GPA33: variants seen among roughly 807,000 people sequenced by gnomAD.
GPA33 encodes the protein cell surface A33 antigen.
In GPA33, 27 loss-of-function variants were observed where a neutral mutation model predicts 35.6. The ratio of observed to expected loss-of-function variants is 0.76; its 90% CI spans 0.56 to 1.04. GPA33 has a LOEUF of 1.04. Among genes scored for constraint, GPA33 ranks in the 50% least tolerant of loss-of-function variants. The pLI is 0.00. For missense variants in GPA33, 428 were observed against 411.9 expected (o/e 1.04, Z -0.34); for synonymous variants, 176 against 164.0 (o/e 1.07, Z -0.56).
At chr1:167,084,388 G>T (rs528453930) in intron 1 of GPA33, among the ~76,000 whole-genome samples, 18 of 152,344 alleles carry the variant, frequency 1.2e-4, no homozygotes, top group African/African-American at 4.3e-4. Flanking sequence ...GAATTTGTAG[G>T]TGGGGGATAA....
chr1:167,068,236 T>C (rs556198212), intron 3 of GPA33, among the ~76,000 whole-genome samples: 7 of 152,332 alleles, frequency 4.6e-5, no homozygotes, highest in African/African-American at 1.7e-4. Flanking sequence ...ATATTGGACA[T>C]AGACTAAGTG....
chr1:167,070,934 G>T (rs531078122), intron 2 of GPA33, among the ~76,000 whole-genome samples: 1 of 152,228 alleles, frequency 6.6e-6, no homozygotes, highest in South Asian at 2.1e-4. Context: ...CAAAGGAAGG[G>T]AATGTTTTAT....
At chr1:167,061,844 C>T (rs560776510) in intron 4 of GPA33, among the ~76,000 whole-genome samples, 108 of 152,186 alleles carry the variant, frequency 7.1e-4, no homozygotes, top group African/African-American at 2.4e-3. Context: ...CCTCGTGATC[C>T]GCCTGCCTCA....
At chr1:167,074,228 G>C (rs1293748187) in intron 1 of GPA33, among the ~76,000 whole-genome samples, 2 of 151,640 alleles carry the variant, frequency 1.3e-5, no homozygotes, top group African/African-American at 2.4e-5. Flanking sequence ...CCTTCTCTTC[G>C]AGCCTGGGTG....
intron 2 of GPA33, among the ~76,000 whole-genome samples, chr1:167,069,915 C>T (rs1250466633): frequency 6.6e-6 from 1 of 152,200 alleles, no homozygotes; most frequent in Admixed American, 6.5e-5. Context: ...AGGTGTCTGA[C>T]ATTTGAAGAT....
At chr1:167,082,986 C>T (rs1666981636) in intron 1 of GPA33, among the ~76,000 whole-genome samples, 1 of 152,122 alleles carries the variant, frequency 6.6e-6, no homozygotes, top group South Asian at 2.1e-4. Context: ...AGACAAGCCC[C>T]ACAGAGCAGG....
At chr1:167,073,581 C>A (rs746351358) in intron 1 of GPA33, 42 bp from the exon 2 acceptor site, 2 of 1,567,256 alleles carry the variant, frequency 1.3e-6, no homozygotes, top group East Asian at 2.3e-5. Flanking sequence ...GTAAGCGACA[C>A]GGACAGACAT....
intron 1 of GPA33, among the ~76,000 whole-genome samples, chr1:167,088,437 C>A (rs1335144739): frequency 6.6e-6 from 1 of 152,196 alleles, no homozygotes; most frequent in Non-Finnish European, 1.5e-5. Context: ...ACTGCTCTGG[C>A]CCCTTCTTCC....
intron 1 of GPA33, among the ~76,000 whole-genome samples, chr1:167,077,084 T>G (rs542049129): frequency 6.6e-6 from 1 of 152,108 alleles, no homozygotes; most frequent in African/African-American, 2.4e-5. Context: ...TGCATGCCTG[T>G]AGTCCCAGCT....
intron 3 of GPA33, among the ~76,000 whole-genome samples, chr1:167,068,265 T>A (rs926560678): frequency 6.6e-6 from 1 of 152,210 alleles, no homozygotes; most frequent in Non-Finnish European, 1.5e-5. Flanking sequence ...ATAACAGTTA[T>A]TTTCCAATAA....
In GPA33 at chr1:167,054,885, G is replaced by T. The variant is rs933470838; in HGVS notation, c.827+91C>A. The T allele has an allele frequency of 2.1e-6, 3 of 1,427,134 alleles. 1 individual carries two copies. The South Asian group carries it at 3.7e-5, about 18-fold the overall frequency. The allele number at this position is 1,427,134 out of a possible 1,614,324, so 88.4% of individuals were successfully genotyped here. A position where few individuals can be genotyped will look rare whatever the true frequency, so the allele number is the denominator to read the frequency against. Reference sequence around the variant, plus strand: ...AAATGGGGGTGATATACCCCAAGGGGTGCTGCAAGTAGAAGAGGCTGTGAG... The same window carrying T: ...AAATGGGGGTGATATACCCCAAGGGTTGCTGCAAGTAGAAGAGGCTGTGAG... On this transcript the variant is annotated intron_variant, in intron 6 of 6. Transcript: ENST00000367868.
intron 1 of GPA33, among the ~76,000 whole-genome samples, chr1:167,078,381 G>A (rs985939667): frequency 1.7e-4 from 26 of 152,298 alleles, no homozygotes; most frequent in African/African-American, 6.0e-4. Flanking sequence ...AGAACTCAGT[G>A]TGACCTTTAT....
At chr1:167,062,994 T>C (rs1666495138) in intron 4 of GPA33, among the ~76,000 whole-genome samples, 1 of 152,176 alleles carries the variant, frequency 6.6e-6, no homozygotes, top group Non-Finnish European at 1.5e-5. Flanking sequence ...ACAGAGTGCT[T>C]ATCAGGGCAC....
At chr1:167,054,614 C>A in intron 6 of GPA33, 148 bp from the exon 7 acceptor site, 1 of 1,001,848 alleles carries the variant, frequency 1.0e-6, no homozygotes, top group Non-Finnish European at 1.5e-6. Context: ...AAAGGCTGGG[C>A]TGAGAGTAAA....
At position 167,065,548 on chromosome 1, in the gene GPA33, C is replaced by T. The variant is rs925899700; in HGVS notation, c.416-1811G>A. Among the ~76,000 whole-genome samples the T allele has an allele frequency of 2.0e-5, 3 of 152,190 alleles. No homozygotes were observed. The South Asian group carries it at 6.2e-4, about 32-fold the overall frequency. ...TGGCTTGCTCGCTCAATAAACAGTGCTGCCCATTCTATAATCCAGGTGCAC... is the reference window on the plus strand; with the variant it reads ...TGGCTTGCTCGCTCAATAAACAGTGTTGCCCATTCTATAATCCAGGTGCAC... On this transcript the variant is annotated intron_variant, in intron 3 of 6. Transcript: ENST00000367868.
At chr1:167,088,825 C>G (rs1044622683) in intron 1 of GPA33, among the ~76,000 whole-genome samples, 2 of 152,142 alleles carry the variant, frequency 1.3e-5, no homozygotes, top group African/African-American at 4.8e-5. Flanking sequence ...TCTGGCTTAC[C>G]AGGAGAAGAT....
chr1:167,063,196 G>A (rs1666501952), intron 4 of GPA33, among the ~76,000 whole-genome samples: 1 of 152,240 alleles, frequency 6.6e-6, no homozygotes, highest in Non-Finnish European at 1.5e-5. Context: ...GAGAGGCTGA[G>A]GCGGGTGGAT....
At chr1:167,065,822 C>T (rs1181064312) in intron 3 of GPA33, among the ~76,000 whole-genome samples, 1 of 152,146 alleles carries the variant, frequency 6.6e-6, no homozygotes, top group African/African-American at 2.4e-5. Flanking sequence ...GGTTCCTAAA[C>T]ATAAGAGGTC....
At chr1:167,071,119 C>T (rs182286113) in intron 2 of GPA33, among the ~76,000 whole-genome samples, 12 of 151,832 alleles carry the variant, frequency 7.9e-5, no homozygotes, top group African/African-American at 2.7e-4. Context: ...TGAAGCCACC[C>T]GGGATAAATA....
Sources: gnomAD v4.1 joint callset for allele counts (sites outside exome capture counted in the v4.1 genomes callset) on GRCh38, gnomAD v4.1.1 for gene constraint, MANE v1.5 for transcripts, NCBI Gene and HGNC (gene_info 2026-07-23, HGNC 2026-07-21) for gene names.